Variants in TP73 observed in about 807,000 individuals in gnomAD.
TP73 encodes the protein tumor protein p73.
A neutral mutation model predicts 62.5 loss-of-function variants in TP73; 25 were observed. That is an observed-to-expected ratio of 0.40 (90% CI 0.29 to 0.56). The LOEUF (loss-of-function observed/expected upper bound fraction) is 0.56, where lower values mean the gene tolerates loss of function less well. Ranked by LOEUF, TP73 falls within the 20% of genes least tolerant of loss-of-function variation. TP73 has a pLI of 0.46. For synonymous variants in TP73, 423 were observed against 377.5 expected, an observed-to-expected ratio of 1.12 and a Z score of -1.40; for missense variants, 754 against 913.3, an observed-to-expected ratio of 0.83 and a Z score of 2.25.
intron 1 of TP73, among the ~76,000 whole-genome samples, chr1:3,654,650 C>A (rs57118960): frequency 0.017 from 2,664 of 152,248 alleles, 125 homozygotes; most frequent in East Asian, 0.16. Context: ...ATGATGGCTT[C>A]GGGTCCCAGG....
At chr1:3,723,587 T>C in intron 6 of TP73, 118 bp downstream of exon 6, 2 of 741,246 alleles carry the variant, frequency 2.7e-6, no homozygotes, top group Non-Finnish European at 4.6e-6. Context: ...GCCTGTCCTG[T>C]CGGCATCTGT....
intron 3 of TP73, among the ~76,000 whole-genome samples, chr1:3,685,944 A>G (rs1393155665): frequency 6.6e-6 from 1 of 152,238 alleles, no homozygotes. Flanking sequence ...AACACCACAC[A>G]GGCCCGGCCT....
chr1:3,659,441 C>T (rs1644942592), intron 1 of TP73: 2 of 152,042 alleles, frequency 1.3e-5, no homozygotes, highest in Admixed American at 1.3e-4. Context: ...CTTCGTGATT[C>T]CAATAAGAAC....
At chr1:3,679,209 CA>C (rs941257655) in intron 1 of TP73, among the ~76,000 whole-genome samples, 3 of 152,146 alleles carry the variant, frequency 2.0e-5, no homozygotes, top group African/African-American at 7.2e-5. Flanking sequence ...GGTGTCGCTT[CA>C]GGGGGAGTTC....
chr1:3,666,781 C>G lies in TP73; in HGVS notation c.-34+14140C>G, dbSNP rs946932935. Among the ~76,000 whole-genome samples, 7 of 152,296 alleles carry G rather than the reference C, an allele frequency of 4.6e-5. No individual in the cohort carries two copies. Among genetic ancestry groups the G allele is most frequent in the African/African-American group, 1.4e-4 (6 of 41,566 alleles). ...TGCTCTGAGCAGACGCGACTCAGTG[C>G]CATGCGGGCGTCTCTCCCAGGGCGG... On this transcript the variant is annotated intron_variant, in intron 1 of 13. Transcript: ENST00000378295. The surrounding 1 kb of genome is among the most constrained non-coding windows in gnomAD (Gnocchi z 6.4).
intron 11 of TP73, 32 bp downstream of exon 11, chr1:3,730,180 C>A: frequency 6.7e-7 from 1 of 1,497,568 alleles, no homozygotes; most frequent in South Asian, 1.3e-5. Context: ...GGCCCACGGG[C>A]AGGGCGGGGA....
intron 4 of TP73, chr1:3,712,504 C>T (rs1458383593): frequency 2.0e-5 from 3 of 152,188 alleles, no homozygotes; most frequent in Admixed American, 2.0e-4. Flanking sequence ...GCTCTGAGAC[C>T]CTGGGTCCTG....
rs1164370205 is a variant in TP73, at chr1:3,662,836, G to A, written c.-34+10195G>A. ...ACCAGGCCCCAGGACAGACCTGGCTGGGGAGCGCAGGGAGGGGTCCCCAGT... is the reference window on the plus strand; with the variant it reads ...ACCAGGCCCCAGGACAGACCTGGCTAGGGAGCGCAGGGAGGGGTCCCCAGT... On this transcript the variant is annotated intron_variant, in intron 1 of 13. Transcript: ENST00000378295. This position sits in a 1 kb window ranked among gnomAD's most constrained non-coding sequence, Gnocchi z 4.4. Among the ~76,000 whole-genome samples the A allele has an allele frequency of 6.6e-6, 1 of 152,154 alleles. No individual in the cohort carries two copies. The highest frequency in any genetic ancestry group is 1.9e-4 in the East Asian group (1 of 5,186).
intron 1 of TP73, among the ~76,000 whole-genome samples, chr1:3,658,167 C>T (rs1172696877): frequency 6.6e-6 from 1 of 152,170 alleles, no homozygotes; most frequent in Admixed American, 6.5e-5. Context: ...GGAGCAGGGA[C>T]CGTGGAGGGG....
At position 3,672,226 on chromosome 1, in the gene TP73, G is replaced by T. The variant is rs548213201; in HGVS notation, c.-33-10107G>T. 2.8e-4 allele frequency among the ~76,000 whole-genome samples: 42 copies of T among 152,248 alleles called. No individual in the cohort carries two copies. The highest frequency in any genetic ancestry group is 2.7e-3 in the Admixed American group (42 of 15,304). ...GGTGTCCAGAGGAGGGTGGCCAGGT[G>T]GGGACAGCAGCTTGAGAAGGGTCAT... On this transcript the variant is annotated intron_variant, in intron 1 of 13. Transcript: ENST00000378295. The surrounding 1 kb of genome is among the most constrained non-coding windows in gnomAD (Gnocchi z 5.3).
chr1:3,721,920 A>G, intron 4 of TP73, 101 bp from the exon 5 acceptor site: 1 of 1,266,080 alleles, frequency 7.9e-7, no homozygotes, highest in South Asian at 1.5e-5. Flanking sequence ...GGGTTGTGGA[A>G]GGGGCACCCA....
At position 3,663,931 on chromosome 1, in the gene TP73, G is replaced by A. The variant is rs556950469; in HGVS notation, c.-34+11290G>A. On this transcript the variant is annotated intron_variant, in intron 1 of 13. Transcript: ENST00000378295. This position sits in a 1 kb window ranked among gnomAD's most constrained non-coding sequence, Gnocchi z 4.7. ...AGATGCCACCGTGCCAGGTTTTGGG[G>A]TAGTGGTATGTCTTGAGCCCAATCA... Among the ~76,000 whole-genome samples the A allele has an allele frequency of 3.3e-5, 5 of 152,278 alleles. No individual in the cohort carries two copies. In the East Asian group the frequency reaches 7.8e-4, roughly 24 times the overall value.
Position 3,723,387 on chromosome 1 carries a change from T to A in TP73, c.650T>A (p.Val217Glu). Residue 217 changes from valine (V) to glutamate (E), a missense_variant, in exon 6 of 14, where the codon GTG becomes GAG. Around this residue, in one of 3 missense-constraint regions of TP73, gnomAD observed 61 missense variants for 133.2 expected, o/e 0.46. Transcript: ENST00000378295. ...GCTCCAGCCAGCCACCTCATCCGCG[T>A]GGAAGGCAATAATCTCTCGCAGTAT... ...QSAPASHLIR[V>E]EGNNLSQYVD... 1 of 1,612,558 alleles carries A rather than the reference T, an allele frequency of 6.2e-7. No homozygotes were observed.
Position 3,707,700 on chromosome 1 carries a change from C to A in TP73, c.338C>A (p.Pro113His), listed in dbSNP as rs888530957. The A allele has an allele frequency of 1.9e-6, 3 of 1,613,188 alleles. No homozygotes were observed. The African/African-American group carries it at 4.0e-5, about 22-fold the overall frequency. ...ACCTTCGACACCATGTCGCCGGCGC[C>A]TGTCATCCCCTCCAACACCGACTAC... ...SSTFDTMSPA[P>H]VIPSNTDYPG... The change falls in exon 4 of 14, where the codon CCT becomes CAT. Residue 113 changes from proline to histidine, a missense_variant. Pro to His is a moderately conservative substitution (Grantham distance 77). Transcript: ENST00000378295.
intron 3 of TP73, among the ~76,000 whole-genome samples, chr1:3,690,007 G>T (rs1481828914): frequency 6.6e-6 from 1 of 152,224 alleles, no homozygotes; most frequent in Non-Finnish European, 1.5e-5. Flanking sequence ...CACCACTGCA[G>T]AGCCCCTCCC....
At position 3,727,099 on chromosome 1, in the gene TP73, G is replaced by A. The variant is rs1330853355; in HGVS notation, c.733-16G>A. On this transcript the variant is annotated splice_polypyrimidine_tract_variant and intron_variant, in intron 6 of 13. Transcript: ENST00000378295. ...CGTGCTGATGCTAGCCCCTCTCCCTGCTCCCCCATGTGCAGGTGGGGACGG... is the reference window on the plus strand; with the variant it reads ...CGTGCTGATGCTAGCCCCTCTCCCTACTCCCCCATGTGCAGGTGGGGACGG... 1 of 1,605,696 alleles carries A rather than the reference G, an allele frequency of 6.2e-7. No homozygotes were observed. Among genetic ancestry groups the A allele is most frequent in the African/African-American group, 1.3e-5 (1 of 74,712 alleles).
In TP73 at chr1:3,699,534, G is replaced by C. The variant is rs1327380113; in HGVS notation, c.187-8015G>C. Among the ~76,000 whole-genome samples the C allele has an allele frequency of 6.6e-6, 1 of 152,172 alleles. No homozygotes were observed. The highest frequency in any genetic ancestry group is 6.5e-5 in the Admixed American group (1 of 15,278). ...TGAGCCCTCAGGAGACTCCAGGCAG[G>C]CCCCGATGCCAGACTCCAGCCCTCA... On this transcript the variant is annotated intron_variant, in intron 3 of 13. Transcript: ENST00000378295. The surrounding 1 kb of genome is among the most constrained non-coding windows in gnomAD (Gnocchi z 4.1).
At position 3,720,615 on chromosome 1, in the gene TP73, G is replaced by T. The variant is rs542050286; in HGVS notation, c.430-1406G>T. Among the ~76,000 whole-genome samples the T allele has an allele frequency of 2.6e-5, 4 of 152,328 alleles. No individual in the cohort carries two copies. In the East Asian group the frequency reaches 7.7e-4, roughly 29 times the overall value. Reference sequence around the variant, plus strand: ...GGCACTCAGGGTGCCGGGGACCCAGGCCCCACCCACCATGGCTCGCAGCCT... The same window carrying T: ...GGCACTCAGGGTGCCGGGGACCCAGTCCCCACCCACCATGGCTCGCAGCCT... On this transcript the variant is annotated intron_variant, in intron 4 of 13. Transcript: ENST00000378295.
At chr1:3,655,599 C>T (rs1037018992) in intron 1 of TP73, among the ~76,000 whole-genome samples, 3 of 152,180 alleles carry the variant, frequency 2.0e-5, no homozygotes, top group African/African-American at 7.2e-5. Context: ...TTTGAATTCC[C>T]GTGTTATTTG....
Sources: gnomAD v4.1 joint callset for allele counts (sites outside exome capture counted in the v4.1 genomes callset) on GRCh38, gnomAD v4.1.1 for gene constraint, gnomAD v4.1.1 regional missense constraint, Gnocchi (gnomAD v3.1) non-coding constraint, MANE v1.5 for transcripts, NCBI Gene and HGNC (gene_info 2026-07-23, HGNC 2026-07-21) for gene names.